The following BMPER variants were observed in gnomAD, a reference collection of about 807,000 sequenced individuals.
BMPER encodes the protein BMP binding endothelial regulator.
A neutral mutation model predicts 87.3 loss-of-function variants in BMPER; 45 were observed. That is an observed-to-expected ratio of 0.52 (90% confidence interval 0.41 to 0.66). BMPER has a LOEUF of 0.66. Among genes scored for constraint, BMPER ranks in the 30% least tolerant of loss-of-function variants. BMPER has a pLI of 0.00. For synonymous variants in BMPER, 326 were observed against 316.2 expected, an observed-to-expected ratio of 1.03 and a Z score of -0.33; for missense variants, 784 against 867.5, an observed-to-expected ratio of 0.90 and a Z score of 1.21.
chr7:34,074,469 C>T (rs942302230), intron 11 of BMPER, among the ~76,000 whole-genome samples: 2 of 152,206 alleles, frequency 1.3e-5, no homozygotes, highest in Non-Finnish European at 2.9e-5. Context: ...CAGGCAGGGC[C>T]TAGACAAACA....
chr7:34,074,618 T>G (rs1024717350), intron 11 of BMPER, among the ~76,000 whole-genome samples: 1 of 152,226 alleles, frequency 6.6e-6, no homozygotes, highest in Non-Finnish European at 1.5e-5. Flanking sequence ...AAAGCCGTGT[T>G]TTTTTATGTG....
At chr7:33,914,219 T>C (rs867669707) in intron 2 of BMPER, among the ~76,000 whole-genome samples, 20 of 152,006 alleles carry the variant, frequency 1.3e-4, no homozygotes, top group African/African-American at 3.9e-4. Context: ...CCCGCCTCGG[T>C]CTCCCAAAGT....
chr7:34,088,676 C>T (rs903591826), intron 13 of BMPER, among the ~76,000 whole-genome samples: 1 of 152,128 alleles, frequency 6.6e-6, no homozygotes, highest in Non-Finnish European at 1.5e-5. Context: ...CAGGATTGCT[C>T]CTCTGAGGAC....
chr7:34,017,194 G>A (rs1015336357), intron 6 of BMPER, among the ~76,000 whole-genome samples: 2 of 151,848 alleles, frequency 1.3e-5, no homozygotes, highest in African/African-American at 4.8e-5. Context: ...GGTGTGTGGT[G>A]GCTTTCAGAA....
chr7:33,974,576 C>G, intron 5 of BMPER, 126 bp from the exon 6 acceptor site: 1 of 937,198 alleles, frequency 1.1e-6, no homozygotes, highest in East Asian at 2.4e-5. Context: ...GCAATCTTGT[C>G]CACTGGTTGA....
At chr7:33,942,404 G>A (rs1784791165) in intron 3 of BMPER, among the ~76,000 whole-genome samples, 1 of 151,942 alleles carries the variant, frequency 6.6e-6, no homozygotes, top group African/African-American at 2.4e-5. Context: ...GACACTGAGA[G>A]CCTTAGTGAC....
chr7:33,991,064 G>A (rs911353572), intron 6 of BMPER, among the ~76,000 whole-genome samples: 1 of 146,468 alleles, frequency 6.8e-6, no homozygotes. Flanking sequence ...CAAGGATATT[G>A]GTCTAAAATT....
chr7:34,028,611 T>G (rs1229862812), intron 6 of BMPER, among the ~76,000 whole-genome samples: 1 of 123,728 alleles, frequency 8.1e-6, no homozygotes, highest in South Asian at 2.5e-4. Context: ...GTTTTTTTTT[T>G]TTTTTTTTTT....
intron 3 of BMPER, among the ~76,000 whole-genome samples, chr7:33,952,752 C>T (rs1487006924): frequency 6.6e-6 from 1 of 152,168 alleles, no homozygotes; most frequent in Admixed American, 6.5e-5. Context: ...GTAGTTTCTT[C>T]AGAAGTTGAT....
Position 33,939,559 on chromosome 7 carries a change from G to A in BMPER, c.319+2171G>A, listed in dbSNP as rs1025044630. ...CCCCACCCAAATCTCTTCTTGAATT[G>A]TAATCCCCATATGTCAAGGGAGAGA... On this transcript the variant is annotated intron_variant, in intron 3 of 14. Coordinates refer to ENST00000649409, the MANE Select transcript of BMPER (RefSeq NM_001365308.1). Among the ~76,000 whole-genome samples the A allele has an allele frequency of 7.2e-5, 11 of 152,150 alleles. No individual in the cohort carries two copies. In the East Asian group the frequency reaches 2.1e-3, roughly 29 times the overall value.
At chr7:33,911,121 C>T (rs766146117) in intron 2 of BMPER, among the ~76,000 whole-genome samples, 13 of 152,292 alleles carry the variant, frequency 8.5e-5, no homozygotes, top group Non-Finnish European at 1.9e-4. Flanking sequence ...CATTTCTAGA[C>T]TTTGGATGCT....
chr7:33,937,708 A>G (rs1480639452), intron 3 of BMPER: 2 of 372,188 alleles, frequency 5.4e-6, no homozygotes, highest in Non-Finnish European at 1.0e-5. Flanking sequence ...TTGTACACAC[A>G]CACATGAGCA....
intron 11 of BMPER, among the ~76,000 whole-genome samples, chr7:34,076,239 T>C (rs2127972657): frequency 6.6e-6 from 1 of 152,294 alleles, no homozygotes; most frequent in African/African-American, 2.4e-5. Flanking sequence ...CTGCTGCTTC[T>C]ATGACGACTT....
chr7:34,029,048 G>GA (rs1787456913), intron 6 of BMPER, among the ~76,000 whole-genome samples: 1 of 152,034 alleles, frequency 6.6e-6, no homozygotes, highest in South Asian at 2.1e-4. Flanking sequence ...TATGAAAAAT[G>GA]AAAAGTACAT....
intron 6 of BMPER, among the ~76,000 whole-genome samples, chr7:33,994,721 G>T (rs1490470976): frequency 1.3e-5 from 2 of 152,142 alleles, no homozygotes; most frequent in African/African-American, 4.8e-5. Context: ...TATGTGCCAT[G>T]GGGGGATTGT....
Position 34,153,783 on chromosome 7 carries a change from A to G in BMPER, c.*510A>G. ...ATGTATGCCTGGGAAAGACAGCAGG[A>G]GATTGGTGACCGGCCCTAATGGTGC... On this transcript the variant is annotated 3_prime_UTR_variant, in exon 15 of 15. Transcript: ENST00000649409. 1 of 177,028 alleles carries G rather than the reference A, an allele frequency of 5.6e-6. No homozygotes were observed. Among genetic ancestry groups the G allele is most frequent in the South Asian group, 1.2e-4 (1 of 8,376 alleles). The allele number at this position is 177,028 out of a possible 1,614,324, so 11.0% of individuals were successfully genotyped here.
chr7:33,940,994 A>G (rs1185628133), intron 3 of BMPER, among the ~76,000 whole-genome samples: 1 of 135,180 alleles, frequency 7.4e-6, no homozygotes, highest in Non-Finnish European at 1.5e-5. Flanking sequence ...TTATATATTT[A>G]TATATAATTT....
At chr7:33,935,315 G>A (rs1784576132) in intron 2 of BMPER, among the ~76,000 whole-genome samples, 1 of 152,098 alleles carries the variant, frequency 6.6e-6, no homozygotes, top group Non-Finnish European at 1.5e-5. Flanking sequence ...AGTGGCCACA[G>A]AAATACTCTC....
intron 6 of BMPER, among the ~76,000 whole-genome samples, chr7:33,976,137 C>T (rs992433384): frequency 3.9e-5 from 6 of 152,016 alleles, no homozygotes; most frequent in African/African-American, 1.2e-4. Flanking sequence ...CTAATTATGA[C>T]TAAATAGCTT....
Sources: gnomAD v4.1 joint callset for allele counts (sites outside exome capture counted in the v4.1 genomes callset) on GRCh38, gnomAD v4.1.1 for gene constraint, MANE v1.5 for transcripts, NCBI Gene and HGNC (gene_info 2026-07-23, HGNC 2026-07-21) for gene names.